ASB1: variants seen among roughly 807,000 people sequenced by gnomAD.
ASB1 encodes the protein ankyrin repeat and SOCS box protein 1.
Under a neutral mutation model 27.7 loss-of-function variants are expected in ASB1, and 18 were observed. That is an observed-to-expected ratio of 0.65 (90% CI 0.45 to 0.96). The LOEUF (loss-of-function observed/expected upper bound fraction) is 0.96. Among genes scored for constraint, ASB1 ranks in the 50% least tolerant of loss-of-function variants. ASB1 has a pLI of 0.00. For missense variants in ASB1, 397 were observed against 451.7 expected, an observed-to-expected ratio of 0.88 and a Z score of 1.10; for synonymous variants, 189 against 187.6, an observed-to-expected ratio of 1.01 and a Z score of -0.06.
rs548680889 is a variant in ASB1, at chr2:238,449,138, A to T, written c.*2627A>T. 16 of 152,356 alleles carry T rather than the reference A, an allele frequency of 1.1e-4. No individual in the cohort carries two copies. The highest frequency in any genetic ancestry group is 3.8e-4 in the African/African-American group (16 of 41,588). 9.4% of individuals were successfully genotyped at this position (152,356 alleles called of 1,614,324 possible). A position where few individuals can be genotyped will look rare whatever the true frequency, so the allele number is the denominator to read the frequency against. On this transcript the variant is annotated 3_prime_UTR_variant, in exon 5 of 5. Coordinates refer to ENST00000264607, the MANE Select transcript of ASB1 (RefSeq NM_001040445.3). ...ATAGCTGCCAAATATGAATCTGAAA[A>T]CAGGGTGGGTAGCTAAGGTCATTCC...
intron 3 of ASB1, among the ~76,000 whole-genome samples, chr2:238,441,575 G>A (rs1702078501): frequency 1.3e-5 from 2 of 152,274 alleles, no homozygotes; most frequent in South Asian, 4.1e-4. Context: ...AAACAGTAGT[G>A]GACTGTACAC....
intron 4 of ASB1, among the ~76,000 whole-genome samples, chr2:238,445,911 G>A (rs1702170729): frequency 6.6e-6 from 1 of 152,240 alleles, no homozygotes; most frequent in African/African-American, 2.4e-5. Context: ...GAACTTGGCT[G>A]CGCTCTTTTC....
chr2:238,429,487 G>A (rs1574999990), intron 1 of ASB1, among the ~76,000 whole-genome samples: 1 of 152,082 alleles, frequency 6.6e-6, no homozygotes, highest in Non-Finnish European at 1.5e-5. Context: ...TTGTGATGCC[G>A]GTTTATCACA....
At chr2:238,442,626 A>G (rs1430600303) in intron 3 of ASB1, among the ~76,000 whole-genome samples, 3 of 152,160 alleles carry the variant, frequency 2.0e-5, no homozygotes, top group African/African-American at 7.2e-5. Flanking sequence ...TTGTGTCAGA[A>G]TTAGGCAAAT....
Position 238,433,630 on chromosome 2 carries a change from T to A in ASB1, c.126T>A (p.His42Gln), listed in dbSNP as rs973603654. 5.6e-6 allele frequency: 9 copies of A among 1,614,120 alleles called. No individual in the cohort carries two copies. Among genetic ancestry groups the A allele is most frequent in the Non-Finnish European group, 7.6e-6 (9 of 1,180,002 alleles). Residue 42 changes from histidine (H) to glutamine (Q), a missense_variant, in exon 2 of 5, where the codon CAT (histidine) becomes CAA (glutamine). Coordinates refer to ENST00000264607, the MANE Select transcript of ASB1 (RefSeq NM_001040445.3). ...PLEHCEDTRL[H>Q]DAAYVGDLQT... is the part of the protein sequence containing the mutation. ...AGCACTGTGAGGACACGAGGCTCCA[T>A]GATGCAGCTTACGTCGGGGACCTCC...
In ASB1 at chr2:238,449,059, C is replaced by A. The variant is rs1424194037; in HGVS notation, c.*2548C>A. ...TCAACTTCCTCTCTGTTCAAGCCAG[C>A]CTTTGCCAATTTTTTCAGAATCCAA... On this transcript the variant is annotated 3_prime_UTR_variant, in exon 5 of 5. Coordinates refer to ENST00000264607, the MANE Select transcript of ASB1 (RefSeq NM_001040445.3). The A allele has an allele frequency of 6.6e-6, 1 of 152,228 alleles. No individual in the cohort carries two copies. Among genetic ancestry groups the A allele is most frequent in the Admixed American group, 6.5e-5 (1 of 15,282 alleles). 9.4% of individuals were successfully genotyped at this position (152,228 alleles called of 1,614,324 possible). A position where few individuals can be genotyped will look rare whatever the true frequency, so the allele number is the denominator to read the frequency against.
At chr2:238,434,360 C>T (rs1029043695) in intron 2 of ASB1, among the ~76,000 whole-genome samples, 7 of 152,188 alleles carry the variant, frequency 4.6e-5, no homozygotes, top group African/African-American at 1.4e-4. Context: ...TCTGATTGTT[C>T]TGCGGGTCTA....
rs1042852208 is a variant in ASB1 at position 238,446,319 on chromosome 2, T to C, written c.881-65T>C. On this transcript the variant is annotated intron_variant, in intron 4 of 4. Coordinates refer to ENST00000264607, the MANE Select transcript of ASB1 (RefSeq NM_001040445.3). ...TCTGGCTGGCAGTCCCAGCTGCCTT[T>C]TCTCTCTATAACTGGAATAGAATGA... The C allele has an allele frequency of 1.6e-5, 25 of 1,515,502 alleles. No homozygotes were observed. The South Asian group carries it at 3.2e-4, about 19-fold the overall frequency. The allele number at this position is 1,515,502 out of a possible 1,614,324, so 93.9% of individuals were successfully genotyped here.
chr2:238,428,089 A>G (rs1016363717), intron 1 of ASB1, among the ~76,000 whole-genome samples: 1 of 152,236 alleles, frequency 6.6e-6, no homozygotes, highest in African/African-American at 2.4e-5. Flanking sequence ...AGAAAAAGCC[A>G]GACAAAGCAT....
intron 1 of ASB1, chr2:238,433,346 G>C: frequency 1.8e-6 from 1 of 543,620 alleles, no homozygotes; most frequent in Non-Finnish European, 3.3e-6. Flanking sequence ...GGCTGATCTT[G>C]AACTCCTGGC....
Position 238,440,839 on chromosome 2 carries a change from A to G in ASB1, c.495-3503A>G, listed in dbSNP as rs568843812. On this transcript the variant is annotated intron_variant, in intron 3 of 4. Transcript: ENST00000264607. ...GTCAGGTGGCTCCTACACCTGCCCT[A>G]TGTGAGATTTGTTTCCTCCCATCGG... Among the ~76,000 whole-genome samples, 361 of 152,340 alleles carry G rather than the reference A, an allele frequency of 2.4e-3. 1 individual carries two copies. Among genetic ancestry groups the G allele is most frequent in the Middle Eastern group, 6.8e-3 (2 of 294 alleles).
At chr2:238,438,534 A>G (rs916068391) in intron 3 of ASB1, among the ~76,000 whole-genome samples, 2 of 152,304 alleles carry the variant, frequency 1.3e-5, no homozygotes, top group Middle Eastern at 6.8e-3. Flanking sequence ...TTACTAAGAC[A>G]TCTTACTCCC....
intron 1 of ASB1, among the ~76,000 whole-genome samples, chr2:238,431,116 C>G (rs1291664083): frequency 5.3e-5 from 8 of 152,200 alleles, no homozygotes; most frequent in Admixed American, 4.6e-4. Flanking sequence ...ATCTTTTTTT[C>G]CAATAGAAGG....
At position 238,427,244 on chromosome 2, in the gene ASB1, C is replaced by T. The variant is rs915996279; in HGVS notation, c.49+125C>T. The T allele has an allele frequency of 1.5e-5, 10 of 678,540 alleles. No individual in the cohort carries two copies. In the South Asian group the frequency reaches 6.9e-4, roughly 47 times the overall value. The allele number at this position is 678,540 out of a possible 1,614,324, so 42.0% of individuals were successfully genotyped here. ...CCGGGTCCACGGGGCAGCCAGGGAG[C>T]CGCACCCTGCAGGCCGGGGGTGGGG... On this transcript the variant is annotated intron_variant, in intron 1 of 4. Transcript: ENST00000264607.
Position 238,447,723 on chromosome 2 carries a change from A to G in ASB1, c.*1212A>G, listed in dbSNP as rs1702207243. On this transcript the variant is annotated 3_prime_UTR_variant, in exon 5 of 5. Transcript: ENST00000264607. ...GATCCATGGTGATTCTAGACTTCAGATATATTTAGGAAGGCGCAGATTTCA... is the reference window on the plus strand; with the variant it reads ...GATCCATGGTGATTCTAGACTTCAGGTATATTTAGGAAGGCGCAGATTTCA... The G allele has an allele frequency of 6.6e-6, 1 of 152,232 alleles. No homozygotes were observed. The highest frequency in any genetic ancestry group is 2.4e-5 in the African/African-American group (1 of 41,446). 9.4% of individuals were successfully genotyped at this position (152,232 alleles called of 1,614,324 possible). A position where few individuals can be genotyped will look rare whatever the true frequency, so the allele number is the denominator to read the frequency against.
At chr2:238,434,817 T>C (rs150390670) in intron 2 of ASB1, among the ~76,000 whole-genome samples, 45 of 152,334 alleles carry the variant, frequency 3.0e-4, no homozygotes, top group East Asian at 2.5e-3. Flanking sequence ...TTCTCCTCCT[T>C]CTTTTACTCA....
At chr2:238,427,451 G>C (rs575105326) in intron 1 of ASB1, 5 of 246,324 alleles carry the variant, frequency 2.0e-5, no homozygotes, top group Non-Finnish European at 3.9e-5. Context: ...CCACCTTCCA[G>C]CTCTGAGCGC....
intron 3 of ASB1, among the ~76,000 whole-genome samples, chr2:238,437,297 T>C (rs1701991062): frequency 6.6e-6 from 1 of 152,162 alleles, no homozygotes; most frequent in Non-Finnish European, 1.5e-5. Flanking sequence ...AGTGGCGCGA[T>C]CTTGGCTCAC....
In ASB1 at chr2:238,447,046, T is replaced by C. The variant is rs115488675; in HGVS notation, c.*535T>C. 4.1e-3 allele frequency: 653 copies of C among 159,854 alleles called. 4 individuals carry two copies. Among genetic ancestry groups the C allele is most frequent in the African/African-American group, 0.014 (590 of 41,568 alleles). 9.9% of individuals were successfully genotyped at this position (159,854 alleles called of 1,614,324 possible). ...ACACGCCCCTTCCTTGCCCCTTCAG[T>C]ATTCTCTCTTTGCGATGGAGGTCTC... On this transcript the variant is annotated 3_prime_UTR_variant, in exon 5 of 5. Coordinates refer to ENST00000264607, the MANE Select transcript of ASB1 (RefSeq NM_001040445.3).
Sources: gnomAD v4.1 joint callset for allele counts (sites outside exome capture counted in the v4.1 genomes callset) on GRCh38, gnomAD v4.1.1 for gene constraint, MANE v1.5 for transcripts, NCBI Gene and HGNC (gene_info 2026-07-23, HGNC 2026-07-21) for gene names.